The following UGT1A8 variants were observed in gnomAD, a reference collection of about 807,000 sequenced individuals.
The protein encoded by UGT1A8 is UDP-glucuronosyltransferase 1A8.
Under a neutral mutation model 45.3 loss-of-function variants are expected in UGT1A8, and 39 were observed. That is an observed-to-expected ratio of 0.86 (90% confidence interval 0.67 to 1.12). UGT1A8 has a LOEUF of 1.12. Ranked by LOEUF, UGT1A8 falls within the 50% of genes most tolerant of loss-of-function variation. The pLI, the probability that UGT1A8 is intolerant of heterozygous loss-of-function variation, is 0.00. For missense variants in UGT1A8, 719 were observed against 664.9 expected (o/e 1.08, Z -0.90); for synonymous variants, 275 against 249.2 (o/e 1.10, Z -0.97).
chr2:233,720,567 T>C (rs1348899395), intron 1 of UGT1A8, among the ~76,000 whole-genome samples: 1 of 152,160 alleles, frequency 6.6e-6, no homozygotes, highest in Non-Finnish European at 1.5e-5. Flanking sequence ...GTGGGATCTA[T>C]TCTTTTTCCA....
intron 1 of UGT1A8, among the ~76,000 whole-genome samples, chr2:233,631,246 G>A (rs897257287): frequency 6.6e-6 from 1 of 152,116 alleles, no homozygotes; most frequent in Non-Finnish European, 1.5e-5. Context: ...ATCATTGATG[G>A]GCATTTGAGT....
chr2:233,656,221 A>G (rs1384633242), intron 1 of UGT1A8, among the ~76,000 whole-genome samples: 1 of 152,222 alleles, frequency 6.6e-6, no homozygotes, highest in Non-Finnish European at 1.5e-5. Flanking sequence ...TGGAGACATC[A>G]TATTTAAATG....
At chr2:233,674,078 C>T (rs966214641) in intron 1 of UGT1A8, among the ~76,000 whole-genome samples, 3 of 152,080 alleles carry the variant, frequency 2.0e-5, no homozygotes, top group African/African-American at 7.2e-5. Flanking sequence ...AATGTCTAAT[C>T]TCAGTATATT....
intron 1 of UGT1A8, among the ~76,000 whole-genome samples, chr2:233,763,690 T>C (rs1698373555): frequency 6.6e-6 from 1 of 152,190 alleles, no homozygotes; most frequent in African/African-American, 2.4e-5. Context: ...AAGATAAAAC[T>C]TTTATTGCAC....
intron 1 of UGT1A8, chr2:233,718,970 G>T (rs45510694): frequency 4.3e-6 from 7 of 1,614,194 alleles, no homozygotes; most frequent in Non-Finnish European, 5.9e-6. Flanking sequence ...CCTTGCGGGA[G>T]CTCCATGCCA....
chr2:233,666,632 GTTTTTATTTTTTTA>G (rs1254980431), intron 1 of UGT1A8, among the ~76,000 whole-genome samples: 2 of 151,074 alleles, frequency 1.3e-5, no homozygotes, highest in Non-Finnish European at 3.0e-5. Flanking sequence ...TTGTTTGTTT[GTTTTTATTTTTTTA>G]TTTTTATTTT....
chr2:233,672,534 C>T, intron 1 of UGT1A8: 1 of 1,613,882 alleles, frequency 6.2e-7, no homozygotes, highest in East Asian at 2.2e-5. Flanking sequence ...TCTCAGATGC[C>T]ATGACTTTCA....
chr2:233,693,520 G>A (rs1228298386), intron 1 of UGT1A8: 13 of 1,614,006 alleles, frequency 8.1e-6, no homozygotes, highest in Non-Finnish European at 1.0e-5. Flanking sequence ...ACCTCTTCAG[G>A]GGTTTTCCGT....
chr2:233,743,154 T>C (rs3796088), intron 1 of UGT1A8: 32,247 of 360,776 alleles, frequency 0.089, 2,110 homozygotes, highest in East Asian at 0.21. Context: ...CCGCTATTCC[T>C]CCAGATGTGC....
chr2:233,694,309 T>G (rs1192697951), intron 1 of UGT1A8, among the ~76,000 whole-genome samples: 3 of 152,040 alleles, frequency 2.0e-5, no homozygotes, highest in Non-Finnish European at 2.9e-5. Context: ...TTTTTGTTTT[T>G]TTTTTTCCTT....
chr2:233,745,803 A>G (rs11695484), intron 1 of UGT1A8, among the ~76,000 whole-genome samples: 45,405 of 150,528 alleles, frequency 0.3, 7,175 homozygotes, highest in South Asian at 0.39. Flanking sequence ...GGTCTATCCC[A>G]GAGTTTTGAG....
intron 1 of UGT1A8, among the ~76,000 whole-genome samples, chr2:233,746,183 A>G (rs985573808): frequency 4.6e-5 from 7 of 151,896 alleles, no homozygotes; most frequent in Admixed American, 6.5e-5. Context: ...TGTAAGGAAT[A>G]TATGTATAGG....
At chr2:233,730,491 G>C (rs1414931155) in intron 1 of UGT1A8, among the ~76,000 whole-genome samples, 4 of 152,196 alleles carry the variant, frequency 2.6e-5, no homozygotes, top group African/African-American at 9.6e-5. Context: ...TGAAATAGAA[G>C]TGTCAGAGAG....
intron 1 of UGT1A8, among the ~76,000 whole-genome samples, chr2:233,706,902 A>C (rs1389391522): frequency 6.6e-6 from 1 of 152,198 alleles, no homozygotes; most frequent in Non-Finnish European, 1.5e-5. Flanking sequence ...GGCATTTTAC[A>C]ATCCTAGCTG....
chr2:233,729,939 C>A (rs1259357082), intron 1 of UGT1A8: 3 of 1,614,034 alleles, frequency 1.9e-6, no homozygotes, highest in Admixed American at 3.3e-5. Flanking sequence ...CAATCATGCC[C>A]AACATGGTCT....
intron 1 of UGT1A8, chr2:233,682,542 C>G (rs758283068): frequency 3.1e-6 from 5 of 1,613,928 alleles, no homozygotes; most frequent in Admixed American, 3.3e-5. Context: ...GACGCCATGA[C>G]TTTCAAGGAG....
At chr2:233,741,073 T>C (rs1691558137) in intron 1 of UGT1A8, among the ~76,000 whole-genome samples, 1 of 151,920 alleles carries the variant, frequency 6.6e-6, no homozygotes, top group South Asian at 2.1e-4. Context: ...AGCGAGACCC[T>C]GTCTTTAAAA....
At position 233,682,571 on chromosome 2, in the gene UGT1A8, A is replaced by C. The variant is rs193199170; in HGVS notation, c.855+64009A>C. 5 of 1,613,826 alleles carry C rather than the reference A, an allele frequency of 3.1e-6. No homozygotes were observed. In the African/African-American group the frequency reaches 5.3e-5, roughly 17 times the overall value. On this transcript the variant is annotated intron_variant, in intron 1 of 4. Coordinates refer to ENST00000373450, the MANE Select transcript of UGT1A8 (RefSeq NM_019076.5). ...CAAGGAGAGAGTATGGAACCACATC[A>C]TGCACTTGGAGGAACATTTATTTTG...
intron 1 of UGT1A8, among the ~76,000 whole-genome samples, chr2:233,717,146 T>C (rs952577384): frequency 6.6e-6 from 1 of 152,072 alleles, no homozygotes; most frequent in Non-Finnish European, 1.5e-5. Context: ...TACATGGAAA[T>C]AGAACATGGG....
Sources: allele counts gnomAD v4.1 joint callset (sites outside exome capture counted in the v4.1 genomes callset), GRCh38; gene constraint gnomAD v4.1.1; transcripts MANE v1.5; gene names NCBI Gene and HGNC (gene_info 2026-07-23, HGNC 2026-07-21).